The following TREML2 variants were observed in gnomAD, a reference collection of about 807,000 sequenced individuals.
TREML2 encodes the protein trem-like transcript 2 protein.
TREML2 carries 24 observed loss-of-function variants against 25.9 expected under a neutral mutation model. The ratio of observed to expected loss-of-function variants is 0.93; its 90% CI spans 0.67 to 1.30. The LOEUF is 1.30. Among genes scored for constraint, TREML2 ranks in the 50% most tolerant of loss-of-function variants. The pLI is 0.00. For missense variants in TREML2, 359 were observed against 395.6 expected (o/e 0.91, Z 0.78); for synonymous variants, 139 against 155.2 (o/e 0.90, Z 0.77).
chr6:41,197,309 T>C (rs1007991402), intron 2 of TREML2, among the ~76,000 whole-genome samples: 2 of 152,172 alleles, frequency 1.3e-5, no homozygotes, highest in Non-Finnish European at 2.9e-5. Context: ...TAGCTTCCTC[T>C]TATACCTAAA....
Position 41,200,148 on chromosome 6 carries a change from C to T in TREML2, c.55+806G>A, listed in dbSNP as rs576173042. On this transcript the variant is annotated intron_variant, in intron 1 of 4. Transcript: ENST00000483722. ...AGAGCTGAGGCTCTGTGTGAAGCAG[C>T]ACCCTCTCTAAGCATCCCTCTGTCC... Among the ~76,000 whole-genome samples the T allele has an allele frequency of 3.3e-5, 5 of 152,346 alleles. No individual in the cohort carries two copies. The South Asian group carries it at 1.0e-3, about 32-fold the overall frequency.
chr6:41,192,630 T>C, intron 4 of TREML2, 124 bp from the exon 5 acceptor site: 1 of 1,192,708 alleles, frequency 8.4e-7, no homozygotes, highest in Non-Finnish European at 1.2e-6. Context: ...CCCCTTAGGG[T>C]TGTGCTGGGT....
rs1254206774 is a variant in TREML2 at position 41,194,567 on chromosome 6, G to C, written c.643C>G (p.Pro215Ala). Residue 215 changes from proline (P) to alanine (A), a missense_variant, in exon 3 of 5, where the codon CCC becomes GCC. By Grantham distance (27) the Pro-to-Ala change is conservative (BLOSUM62 -1). Transcript: ENST00000483722. ...TMGSQTVTAS[P>A]SNARDSSAGP... The stretch of plus-strand genomic sequence containing the variant: ...GCAGAGGAGTCCCTGGCATTGCTGG[G>C]AGACGCGGTCACTGTCTGGGACCCC... 1 of 1,614,048 alleles carries C rather than the reference G, an allele frequency of 6.2e-7. No homozygotes were observed. Among genetic ancestry groups the C allele is most frequent in the East Asian group, 2.2e-5 (1 of 44,828 alleles).
At chr6:41,194,993 G>C (rs941622378) in intron 2 of TREML2, among the ~76,000 whole-genome samples, 160 bp from the exon 3 acceptor site, 8 of 152,064 alleles carry the variant, frequency 5.3e-5, no homozygotes, top group African/African-American at 1.7e-4. Flanking sequence ...TGAGTGATCA[G>C]ATGTGTATTT....
Position 41,198,425 on chromosome 6 carries a change from G to A in TREML2, c.60C>T (p.Pro20=), listed in dbSNP as rs1318991886. 13 of 1,606,828 alleles carry A rather than the reference G, an allele frequency of 8.1e-6. No individual in the cohort carries two copies. The highest frequency in any genetic ancestry group is 1.0e-5 in the Non-Finnish European group (12 of 1,174,846). ...CTTTTGTGTATACACTGTCAGCAGA[G>A]GGGCCTGTGGAGACAATACTTATTG... is the stretch of plus-strand genomic sequence containing the variant. ...LLWPQGCVSG[P]SADSVYTKVR... is the part of the protein sequence containing the mutation. The change falls in exon 2 of 5, where the codon CCC becomes CCT. Residue 20 remains proline, a synonymous_variant. Coordinates refer to ENST00000483722, the MANE Select transcript of TREML2 (RefSeq NM_024807.4).
intron 4 of TREML2, 90 bp from the exon 5 acceptor site, chr6:41,192,596 T>C: frequency 7.3e-7 from 1 of 1,368,004 alleles, no homozygotes; most frequent in Non-Finnish European, 1.0e-6. Flanking sequence ...TTTCTGGCTC[T>C]GCCTCTGGTT....
Position 41,191,868 on chromosome 6 carries a change from C to T in TREML2, c.*559G>A, listed in dbSNP as rs1766069270. On this transcript the variant is annotated 3_prime_UTR_variant, in exon 5 of 5. Transcript: ENST00000483722. ...CAGAGGCCCAGCAAAGGACACCTGT[C>T]CCGACAAGAGAAGCTGCCAACCCCT... 6.3e-6 allele frequency: 1 copy of T among 158,554 alleles called. No individual in the cohort carries two copies. Among genetic ancestry groups the T allele is most frequent in the Non-Finnish European group, 1.4e-5 (1 of 71,442 alleles). The allele number at this position is 158,554 out of a possible 1,614,324, so 9.8% of individuals were successfully genotyped here.
At chr6:41,198,498 G>A in intron 1 of TREML2, 69 bp from the exon 2 acceptor site, 1 of 1,470,382 alleles carries the variant, frequency 6.8e-7, no homozygotes, top group Middle Eastern at 1.9e-4. Context: ...GAAAGTTGAA[G>A]ATCATGGTGA....
In TREML2 at chr6:41,192,678, G is replaced by A. The variant is rs6924115; in HGVS notation, c.886+123C>T. On this transcript the variant is annotated intron_variant, in intron 4 of 4. Transcript: ENST00000483722. ...GCCGCCCTCCTCCCCAGGTGGAAGC[G>A]TCATAGTCCTTTTGACTGGACACAG... is the stretch of plus-strand genomic sequence containing the variant. 90 of 1,148,124 alleles carry A rather than the reference G, an allele frequency of 7.8e-5. 1 individual carries two copies. Among genetic ancestry groups the A allele is most frequent in the South Asian group, 1.8e-4 (13 of 72,408 alleles). The allele number at this position is 1,148,124 out of a possible 1,614,324, so 71.1% of individuals were successfully genotyped here. A position where few individuals can be genotyped will look rare whatever the true frequency, so the allele number is the denominator to read the frequency against.
At chr6:41,196,483 G>C (rs1212871050) in intron 2 of TREML2, among the ~76,000 whole-genome samples, 1 of 152,124 alleles carries the variant, frequency 6.6e-6, no homozygotes, top group Non-Finnish European at 1.5e-5. Flanking sequence ...ACGGCTTGGT[G>C]CTCCACTCTT....
intron 3 of TREML2, among the ~76,000 whole-genome samples, chr6:41,193,159 G>T (rs1220684040): frequency 6.6e-6 from 1 of 152,160 alleles, no homozygotes; most frequent in Non-Finnish European, 1.5e-5. Flanking sequence ...CATCAGTGAG[G>T]ATGAGGATTC....
intron 2 of TREML2, among the ~76,000 whole-genome samples, chr6:41,197,259 T>C (rs73733375): frequency 0.073 from 11,164 of 152,228 alleles, 1,380 homozygotes; most frequent in African/African-American, 0.25. Flanking sequence ...GGCCACTACA[T>C]TCTTAAAAAC....
At position 41,192,749 on chromosome 6, in the gene TREML2, G is replaced by A. The variant is rs1766090392; in HGVS notation, c.886+52C>T. 4.0e-6 allele frequency: 6 copies of A among 1,513,964 alleles called. No homozygotes were observed. In the Middle Eastern group the frequency reaches 8.5e-4, roughly 213 times the overall value. The allele number at this position is 1,513,964 out of a possible 1,614,324, so 93.8% of individuals were successfully genotyped here. On this transcript the variant is annotated intron_variant, in intron 4 of 4. Transcript: ENST00000483722. ...GGGACTCGAGGTCATAACCCTTAGT[G>A]CAGTTACCCAGAGCTCTGCCCTCAG...
Position 41,197,015 on chromosome 6 carries a change from C to T in TREML2, c.376+1094G>A, listed in dbSNP as rs563623941. ...TCCACCTGCTGATCAAATAGAAAAC[C>T]TTGGATCATCCATGATTCCTCCTTT... On this transcript the variant is annotated intron_variant, in intron 2 of 4. Transcript: ENST00000483722. 2.6e-5 allele frequency among the ~76,000 whole-genome samples: 4 copies of T among 152,338 alleles called. No homozygotes were observed. In the East Asian group the frequency reaches 5.8e-4, roughly 22 times the overall value.
Position 41,200,906 on chromosome 6 carries a change from C to T in TREML2, c.55+48G>A, listed in dbSNP as rs759257126. 19 of 1,474,080 alleles carry T rather than the reference C, an allele frequency of 1.3e-5. No homozygotes were observed. In the South Asian group the frequency reaches 2.4e-4, roughly 18 times the overall value. The allele number at this position is 1,474,080 out of a possible 1,614,324, so 91.3% of individuals were successfully genotyped here. A position where few individuals can be genotyped will look rare whatever the true frequency, so the allele number is the denominator to read the frequency against. ...GTAAGAAAAAGGCCCTGAGCTCCTG[C>T]CTCTGTACCCACTCCCTCCTCCACA... On this transcript the variant is annotated intron_variant, in intron 1 of 4. Transcript: ENST00000483722.
chr6:41,199,616 G>A (rs901731371), intron 1 of TREML2, among the ~76,000 whole-genome samples: 3 of 152,206 alleles, frequency 2.0e-5, no homozygotes, highest in Admixed American at 2.0e-4. Context: ...AGGGGACAGA[G>A]AGAGGGAGAA....
intron 2 of TREML2, among the ~76,000 whole-genome samples, chr6:41,196,096 T>A (rs546323710): frequency 3.3e-5 from 5 of 152,204 alleles, no homozygotes; most frequent in Admixed American, 1.3e-4. Flanking sequence ...ACAGAAAAGG[T>A]CTGCAAAGTT....
Position 41,191,232 on chromosome 6 carries a change from C to A in TREML2, c.*1195G>T. On this transcript the variant is annotated 3_prime_UTR_variant, in exon 5 of 5. Transcript: ENST00000483722. ...GTGTGTGTGTGTGTGTAGGGGAATC[C>A]AGGCTGCATTCTCCAGCCTTCATTG... 1 of 143,650 alleles carries A rather than the reference C, an allele frequency of 7.0e-6. No homozygotes were observed. The highest frequency in any genetic ancestry group is 1.5e-5 in the Non-Finnish European group (1 of 67,422). 8.9% of individuals were successfully genotyped at this position (143,650 alleles called of 1,614,324 possible). A position where few individuals can be genotyped will look rare whatever the true frequency, so the allele number is the denominator to read the frequency against.
Position 41,201,107 on chromosome 6 carries a change from G to A in TREML2, c.-99C>T, listed in dbSNP as rs760050353. 1.4e-6 allele frequency: 2 copies of A among 1,407,360 alleles called. No individual in the cohort carries two copies. Among genetic ancestry groups the A allele is most frequent in the Admixed American group, 3.4e-5 (2 of 59,426 alleles). 87.2% of individuals were successfully genotyped at this position (1,407,360 alleles called of 1,614,324 possible). ...TGGGCCTGCCAGGGAAGGACCCGGG[G>A]TTCTAAAAGTGAAGCTGCCCATTTA... On this transcript the variant is annotated 5_prime_UTR_variant, in exon 1 of 5. Coordinates refer to ENST00000483722, the MANE Select transcript of TREML2 (RefSeq NM_024807.4).
Sources: allele counts gnomAD v4.1 joint callset (sites outside exome capture counted in the v4.1 genomes callset), GRCh38; gene constraint gnomAD v4.1.1; transcripts MANE v1.5; gene names NCBI Gene and HGNC (gene_info 2026-07-23, HGNC 2026-07-21).